Variants in KCNK10 observed in about 807,000 individuals in gnomAD.
KCNK10 encodes the protein potassium channel subfamily K member 10.
In KCNK10, 25 loss-of-function variants were observed where a neutral mutation model predicts 47.7. That is an observed-to-expected ratio of 0.52 (90% confidence interval 0.38 to 0.73). KCNK10 has a LOEUF of 0.73. Ranked by LOEUF, KCNK10 falls within the 30% of genes least tolerant of loss-of-function variation. The probability of loss-of-function intolerance (pLI) is 0.00; values close to 1 mark genes in which losing one functional copy is unlikely to be tolerated. For synonymous variants in KCNK10, 303 were observed against 285.6 expected (o/e 1.06, Z -0.61); for missense variants, 563 against 714.5 (o/e 0.79, Z 2.42).
At chr14:88,239,078 G>A (rs1175896113) in intron 3 of KCNK10, among the ~76,000 whole-genome samples, 2 of 152,114 alleles carry the variant, frequency 1.3e-5, no homozygotes, top group Non-Finnish European at 2.9e-5. Flanking sequence ...AATCAAAAAT[G>A]AAAAAGGTTG....
At chr14:88,259,290 CAG>C (rs1887043857) in intron 2 of KCNK10, among the ~76,000 whole-genome samples, 1 of 152,192 alleles carries the variant, frequency 6.6e-6, no homozygotes, top group African/African-American at 2.4e-5. Flanking sequence ...ACAGATTCAG[CAG>C]TTAAACCTGC....
At chr14:88,306,498 A>T (rs1474442720) in intron 1 of KCNK10, among the ~76,000 whole-genome samples, 1 of 152,136 alleles carries the variant, frequency 6.6e-6, no homozygotes, top group Non-Finnish European at 1.5e-5. Flanking sequence ...ACTTCATAGG[A>T]TGTGCTCTGT....
At chr14:88,208,836 C>T (rs965706341) in intron 4 of KCNK10, among the ~76,000 whole-genome samples, 11 of 152,056 alleles carry the variant, frequency 7.2e-5, no homozygotes, top group East Asian at 1.9e-4. Flanking sequence ...ACAACTGAGA[C>T]GAGATGCCCG....
chr14:88,242,404 A>T (rs1886505300), intron 2 of KCNK10, among the ~76,000 whole-genome samples: 1 of 152,124 alleles, frequency 6.6e-6, no homozygotes, highest in African/African-American at 2.4e-5. Context: ...TGCAAAAACC[A>T]TTTTCAGCTC....
intron 1 of KCNK10, among the ~76,000 whole-genome samples, chr14:88,320,874 A>G (rs1450904088): frequency 1.3e-5 from 2 of 151,998 alleles, no homozygotes; most frequent in Non-Finnish European, 2.9e-5. Flanking sequence ...CAACCCCACA[A>G]TGCTACCCCA....
chr14:88,242,767 G>T (rs1301480251), intron 2 of KCNK10, among the ~76,000 whole-genome samples: 1 of 152,164 alleles, frequency 6.6e-6, no homozygotes, highest in Non-Finnish European at 1.5e-5. Flanking sequence ...TGTGCCGTAT[G>T]AGTACCATCA....
At chr14:88,263,133 C>A in intron 2 of KCNK10, 69 bp downstream of exon 2, 1 of 1,299,456 alleles carries the variant, frequency 7.7e-7, no homozygotes, top group East Asian at 2.4e-5. Flanking sequence ...ACTAGAGACC[C>A]AGAAAGATAA....
At chr14:88,271,015 C>A in intron 1 of KCNK10, 1 of 590,760 alleles carries the variant, frequency 1.7e-6, no homozygotes, top group Non-Finnish European at 3.0e-6. Context: ...CCCAGCAGCA[C>A]CCAGACCCGC....
At chr14:88,224,981 A>G (rs1885937266) in intron 4 of KCNK10, among the ~76,000 whole-genome samples, 1 of 152,212 alleles carries the variant, frequency 6.6e-6, no homozygotes, top group East Asian at 1.9e-4. Context: ...AGAAAACATA[A>G]CAGATCAAGA....
intron 4 of KCNK10, among the ~76,000 whole-genome samples, chr14:88,217,005 A>G (rs1885642981): frequency 6.6e-6 from 1 of 152,096 alleles, no homozygotes; most frequent in African/African-American, 2.4e-5. Context: ...AAATATACAA[A>G]AATTAGCCAG....
chr14:88,303,176 C>T (rs951606894), intron 1 of KCNK10, among the ~76,000 whole-genome samples: 1 of 152,174 alleles, frequency 6.6e-6, no homozygotes, highest in African/African-American at 2.4e-5. Context: ...GGGCAGGAAA[C>T]TGAAGTCTGG....
chr14:88,222,136 A>G (rs529852164), intron 4 of KCNK10, among the ~76,000 whole-genome samples: 1 of 152,322 alleles, frequency 6.6e-6, no homozygotes, highest in East Asian at 1.9e-4. Flanking sequence ...CAGCAAGAGA[A>G]AAATGAGGAA....
chr14:88,207,151 G>T (rs1055816326), intron 4 of KCNK10, among the ~76,000 whole-genome samples: 2 of 148,104 alleles, frequency 1.4e-5, no homozygotes, highest in East Asian at 2.0e-4. Context: ...TACTAGTTTC[G>T]ATTTCAAGGT....
intron 1 of KCNK10, among the ~76,000 whole-genome samples, chr14:88,311,027 G>T (rs1888318480): frequency 6.6e-6 from 1 of 152,182 alleles, no homozygotes; most frequent in Admixed American, 6.5e-5. Context: ...AATTGAAAAT[G>T]CAATCGCCAT....
At chr14:88,217,496 C>G (rs17094616) in intron 4 of KCNK10, among the ~76,000 whole-genome samples, 8 of 152,016 alleles carry the variant, frequency 5.3e-5, no homozygotes, top group Non-Finnish European at 1.5e-5. Flanking sequence ...AAAATAATAC[C>G]CAGTTTCCAA....
chr14:88,288,677 T>C (rs554981071), intron 1 of KCNK10, among the ~76,000 whole-genome samples: 1 of 152,314 alleles, frequency 6.6e-6, no homozygotes, highest in Admixed American at 6.5e-5. Flanking sequence ...ATTCTGGCCA[T>C]GGCCCACTTC....
intron 1 of KCNK10, among the ~76,000 whole-genome samples, chr14:88,289,966 C>T (rs79377480): frequency 0.024 from 3,611 of 152,280 alleles, 68 homozygotes; most frequent in South Asian, 0.067. Context: ...GTATGCCCAG[C>T]ACACAGCAGA....
intron 1 of KCNK10, chr14:88,270,826 T>A: frequency 1.3e-6 from 1 of 781,006 alleles, no homozygotes; most frequent in Non-Finnish European, 2.4e-6. Context: ...CTCTCTCAGG[T>A]GTCAGTGTGA....
At chr14:88,304,266 G>C (rs957699781) in intron 1 of KCNK10, among the ~76,000 whole-genome samples, 1 of 152,004 alleles carries the variant, frequency 6.6e-6, no homozygotes, top group Non-Finnish European at 1.5e-5. Flanking sequence ...AGTGAGCTAG[G>C]ATCACACCAC....
Sources: allele counts gnomAD v4.1 joint callset (sites outside exome capture counted in the v4.1 genomes callset), GRCh38; gene constraint gnomAD v4.1.1; transcripts MANE v1.5; gene names NCBI Gene and HGNC (gene_info 2026-07-23, HGNC 2026-07-21).